TMEM196: variants seen among roughly 807,000 people sequenced by gnomAD.
TMEM196 encodes transmembrane protein 196.
A neutral mutation model predicts 20.0 loss-of-function variants in TMEM196; 17 were observed. The observed-to-expected ratio is 0.85, with a 90% CI of 0.58 to 1.27. TMEM196 has a LOEUF of 1.27. Ranked by LOEUF, TMEM196 falls within the 50% of genes most tolerant of loss-of-function variation. TMEM196 has a pLI of 0.00. For synonymous variants in TMEM196, 113 were observed against 88.9 expected (o/e 1.27, Z -1.52); for missense variants, 267 against 223.0 (o/e 1.20, Z -1.26).
chr7:19,756,400 A>AGG (rs1785212627), intron 1 of TMEM196, among the ~76,000 whole-genome samples: 1 of 151,920 alleles, frequency 6.6e-6, no homozygotes, highest in Admixed American at 6.6e-5. Context: ...GTAGGAGTAC[A>AGG]TCTGCAGGTT....
At chr7:19,755,673 A>G (rs1295848049) in intron 1 of TMEM196, among the ~76,000 whole-genome samples, 1 of 152,210 alleles carries the variant, frequency 6.6e-6, no homozygotes, top group Non-Finnish European at 1.5e-5. Context: ...GTTTATGAAT[A>G]TGCCAAAAAA....
chr7:19,747,541 A>T (rs1212958378), intron 1 of TMEM196, among the ~76,000 whole-genome samples: 2 of 152,190 alleles, frequency 1.3e-5, no homozygotes, highest in East Asian at 3.9e-4. Context: ...ATGAACCTCT[A>T]TATTTCAGCT....
At chr7:19,743,122 C>A (rs1000068718) in intron 1 of TMEM196, among the ~76,000 whole-genome samples, 2 of 152,130 alleles carry the variant, frequency 1.3e-5, no homozygotes, top group African/African-American at 4.8e-5. Context: ...TCATTTCCCC[C>A]ATCAAAGAAC....
At chr7:19,751,126 G>T (rs532549533) in intron 1 of TMEM196, among the ~76,000 whole-genome samples, 55 of 152,324 alleles carry the variant, frequency 3.6e-4, no homozygotes, top group African/African-American at 1.3e-3. Flanking sequence ...ATGTGAAGAA[G>T]AAATATAAAT....
chr7:19,722,178 T>A, intron 4 of TMEM196, 44 bp from the exon 5 acceptor site: 1 of 1,532,314 alleles, frequency 6.5e-7, no homozygotes, highest in Non-Finnish European at 8.9e-7. Flanking sequence ...GCTTTTGGAG[T>A]AAGACATTGT....
intron 2 of TMEM196, among the ~76,000 whole-genome samples, chr7:19,726,571 C>G (rs753906220): frequency 6.6e-6 from 1 of 151,872 alleles, no homozygotes; most frequent in East Asian, 1.9e-4. Flanking sequence ...TTTAGAGAAA[C>G]AGATGATGTG....
chr7:19,747,540 T>A (rs1784805230), intron 1 of TMEM196, among the ~76,000 whole-genome samples: 1 of 152,194 alleles, frequency 6.6e-6, no homozygotes, highest in Non-Finnish European at 1.5e-5. Flanking sequence ...AATGAACCTC[T>A]ATATTTCAGC....
chr7:19,772,697 C>A lies in TMEM196; in HGVS notation c.-1G>T. 1 of 1,508,116 alleles carries A rather than the reference C, an allele frequency of 6.6e-7. No homozygotes were observed. Among genetic ancestry groups the A allele is most frequent in the Admixed American group, 2.1e-5 (1 of 47,000 alleles). The allele number at this position is 1,508,116 out of a possible 1,614,324, so 93.4% of individuals were successfully genotyped here. A position where few individuals can be genotyped will look rare whatever the true frequency, so the allele number is the denominator to read the frequency against. On this transcript the variant is annotated 5_prime_UTR_variant, in exon 1 of 5. Transcript: ENST00000405844. ...CAATAATCTGACCGCTGGTGCACAT[C>A]CTTCCTCGGTCATCTTCCTTCCAGA...
intron 1 of TMEM196, among the ~76,000 whole-genome samples, chr7:19,762,251 A>C (rs895442614): frequency 1.8e-4 from 27 of 152,082 alleles, no homozygotes; most frequent in African/African-American, 6.5e-4. Flanking sequence ...GTAGTAAAAA[A>C]ACCAGAAGAG....
rs768857339 is a variant in TMEM196, at chr7:19,720,346, C to T, written c.*1782G>A. ...AATAGGTTAAACGATGATCATGTTG[C>T]TATAAAAGACCTTCAAATTTTCATT... On this transcript the variant is annotated 3_prime_UTR_variant, in exon 5 of 5. Transcript: ENST00000405844. 1 of 151,954 alleles carries T rather than the reference C, an allele frequency of 6.6e-6. No homozygotes were observed. The highest frequency in any genetic ancestry group is 1.5e-5 in the Non-Finnish European group (1 of 67,890). 9.4% of individuals were successfully genotyped at this position (151,954 alleles called of 1,614,324 possible). A position where few individuals can be genotyped will look rare whatever the true frequency, so the allele number is the denominator to read the frequency against.
intron 1 of TMEM196, among the ~76,000 whole-genome samples, chr7:19,734,892 T>C (rs1257762639): frequency 2.0e-5 from 3 of 152,122 alleles, no homozygotes; most frequent in African/African-American, 7.2e-5. Context: ...GGAAGTAGTA[T>C]TCAGGACAAT....
intron 1 of TMEM196, 93 bp downstream of exon 1, chr7:19,772,457 G>A: frequency 7.5e-7 from 1 of 1,327,298 alleles, no homozygotes; most frequent in Non-Finnish European, 9.9e-7. Context: ...TGTTTCCCAG[G>A]GAGGGAGTGA....
chr7:19,758,061 T>G (rs1785287347), intron 1 of TMEM196, among the ~76,000 whole-genome samples: 1 of 152,014 alleles, frequency 6.6e-6, no homozygotes, highest in Non-Finnish European at 1.5e-5. Context: ...AATGCTCAGA[T>G]AGCAAATGTT....
intron 1 of TMEM196, among the ~76,000 whole-genome samples, chr7:19,765,867 C>A (rs1328773435): frequency 1.3e-5 from 2 of 151,972 alleles, no homozygotes; most frequent in Non-Finnish European, 2.9e-5. Context: ...CATTCAGGAA[C>A]AACGAAAACA....
chr7:19,754,810 T>C (rs1398978457), intron 1 of TMEM196, among the ~76,000 whole-genome samples: 2 of 152,186 alleles, frequency 1.3e-5, no homozygotes, highest in Non-Finnish European at 2.9e-5. Context: ...CACATGAAAT[T>C]GTGAATCTCT....
chr7:19,739,306 T>A (rs902854874), intron 1 of TMEM196, among the ~76,000 whole-genome samples: 15 of 152,244 alleles, frequency 9.9e-5, no homozygotes, highest in African/African-American at 3.4e-4. Context: ...TATTCATATA[T>A]GCCAGTGATA....
At chr7:19,734,157 A>G (rs1784312983) in intron 1 of TMEM196, among the ~76,000 whole-genome samples, 1 of 152,218 alleles carries the variant, frequency 6.6e-6, no homozygotes, top group South Asian at 2.1e-4. Flanking sequence ...CACCACAGAT[A>G]ATCACAGCCA....
chr7:19,769,705 A>T (rs1183335515), intron 1 of TMEM196, among the ~76,000 whole-genome samples: 1 of 152,206 alleles, frequency 6.6e-6, no homozygotes, highest in Non-Finnish European at 1.5e-5. Context: ...ATTTGGGAAA[A>T]AAAACAATAC....
chr7:19,771,830 G>A (rs1562633833), intron 1 of TMEM196, among the ~76,000 whole-genome samples: 1 of 152,152 alleles, frequency 6.6e-6, no homozygotes, highest in African/African-American at 2.4e-5. Flanking sequence ...TCTCTGAGCA[G>A]TTAGGTACTC....
Sources: allele counts gnomAD v4.1 joint callset (sites outside exome capture counted in the v4.1 genomes callset), GRCh38; gene constraint gnomAD v4.1.1; transcripts MANE v1.5; gene names NCBI Gene and HGNC (gene_info 2026-07-23, HGNC 2026-07-21).